The following CYP7B1 variants were observed in gnomAD, a reference collection of about 807,000 sequenced individuals.
The protein encoded by CYP7B1 is cytochrome P450 7B1.
Under a neutral mutation model 42.7 loss-of-function variants are expected in CYP7B1, and 29 were observed. That is an observed-to-expected ratio of 0.68 (90% CI 0.51 to 0.93). CYP7B1 has a LOEUF of 0.93. Among genes scored for constraint, CYP7B1 ranks in the 40% least tolerant of loss-of-function variants. The pLI, the probability that CYP7B1 is intolerant of heterozygous loss-of-function variation, is 0.00. For synonymous variants in CYP7B1, 235 were observed against 218.2 expected (o/e 1.08, Z -0.68); for missense variants, 655 against 600.5 (o/e 1.09, Z -0.95).
At chr8:64,782,509 C>T (rs1804445417) in intron 1 of CYP7B1, among the ~76,000 whole-genome samples, 1 of 152,162 alleles carries the variant, frequency 6.6e-6, no homozygotes, top group Non-Finnish European at 1.5e-5. Context: ...TGAAAAATAA[C>T]TTCGATCTTT....
intron 1 of CYP7B1, among the ~76,000 whole-genome samples, chr8:64,678,919 A>T (rs1326561515): frequency 2.6e-5 from 4 of 151,826 alleles, no homozygotes; most frequent in Non-Finnish European, 5.9e-5. Context: ...GTATAGAGAG[A>T]TAAGCAAATA....
intron 1 of CYP7B1, among the ~76,000 whole-genome samples, chr8:64,751,466 C>T (rs1807724238): frequency 6.6e-6 from 1 of 151,964 alleles, no homozygotes; most frequent in Non-Finnish European, 1.5e-5. Flanking sequence ...ATTAACCACC[C>T]TTTGTTATTG....
chr8:64,758,429 T>C (rs1807838377), intron 1 of CYP7B1, among the ~76,000 whole-genome samples: 1 of 152,220 alleles, frequency 6.6e-6, no homozygotes, highest in South Asian at 2.1e-4. Flanking sequence ...TTACTAGCTA[T>C]GTAGCTTTGA....
At chr8:64,639,745 T>C (rs1444533026) in intron 1 of CYP7B1, among the ~76,000 whole-genome samples, 1 of 152,114 alleles carries the variant, frequency 6.6e-6, no homozygotes, top group Non-Finnish European at 1.5e-5. Flanking sequence ...GACCTAACAA[T>C]TCCACTTCTA....
chr8:64,643,178 T>TAC (rs1563374394), intron 1 of CYP7B1, among the ~76,000 whole-genome samples: 3 of 97,558 alleles, frequency 3.1e-5, no homozygotes, highest in African/African-American at 6.0e-5. Context: ...TATACATATA[T>TAC]ATACATATAT....
chr8:64,782,243 AC>A (rs756713968), intron 1 of CYP7B1, among the ~76,000 whole-genome samples: 7 of 152,240 alleles, frequency 4.6e-5, no homozygotes, highest in Non-Finnish European at 1.0e-4. Context: ...TTTCTGCATC[AC>A]CCCAAGATTC....
intron 1 of CYP7B1, among the ~76,000 whole-genome samples, chr8:64,682,360 T>C (rs7817744): frequency 0.59 from 89,037 of 151,994 alleles, 26,454 homozygotes; most frequent in Middle Eastern, 0.67. Flanking sequence ...AGTGAGCAAG[T>C]GTGCATTTTT....
chr8:64,773,637 T>G (rs1449967306), intron 1 of CYP7B1, among the ~76,000 whole-genome samples: 1 of 152,218 alleles, frequency 6.6e-6, no homozygotes, highest in Non-Finnish European at 1.5e-5. Flanking sequence ...TCAGTCCATT[T>G]TCTGTTGCTA....
chr8:64,781,194 A>C (rs926878074), intron 1 of CYP7B1, among the ~76,000 whole-genome samples: 2 of 152,120 alleles, frequency 1.3e-5, no homozygotes, highest in African/African-American at 4.8e-5. Context: ...CCTGCTCCTC[A>C]TAAGTAACCA....
rs549491942 is a variant in CYP7B1 at position 64,674,096 on chromosome 8, G to T, written c.123-49557C>A. 2.6e-5 allele frequency among the ~76,000 whole-genome samples: 4 copies of T among 151,948 alleles called. No individual in the cohort carries two copies. The South Asian group carries it at 8.3e-4, about 32-fold the overall frequency. On this transcript the variant is annotated intron_variant, in intron 1 of 5. Transcript: ENST00000310193. ...TGACAGAGCCAAGAAGTGAATGATC[G>T]ACACTAATGGGATTTTTAATCTTCA...
chr8:64,738,878 T>C (rs1485234347), intron 1 of CYP7B1, among the ~76,000 whole-genome samples: 1 of 152,044 alleles, frequency 6.6e-6, no homozygotes, highest in Non-Finnish European at 1.5e-5. Flanking sequence ...GACAAATTCC[T>C]GGGGGGTGAG....
intron 1 of CYP7B1, among the ~76,000 whole-genome samples, chr8:64,764,231 C>CT (rs1347579818): frequency 7.2e-6 from 1 of 138,788 alleles, no homozygotes; most frequent in Non-Finnish European, 1.5e-5. Flanking sequence ...TCCACGCTGC[C>CT]CCCCCCACCC....
intron 1 of CYP7B1, among the ~76,000 whole-genome samples, chr8:64,765,546 C>A (rs1807958919): frequency 6.6e-6 from 1 of 152,148 alleles, no homozygotes; most frequent in Non-Finnish European, 1.5e-5. Context: ...CTGCTAGAAT[C>A]CAGCAGCCCG....
intron 1 of CYP7B1, among the ~76,000 whole-genome samples, chr8:64,626,949 G>A (rs1250026773): frequency 1.3e-5 from 2 of 152,034 alleles, no homozygotes; most frequent in African/African-American, 2.4e-5. Context: ...CCATATCAGA[G>A]GCTTTTATTT....
intron 1 of CYP7B1, among the ~76,000 whole-genome samples, chr8:64,789,668 G>A (rs1240186967): frequency 6.6e-6 from 1 of 152,164 alleles, no homozygotes; most frequent in Admixed American, 6.5e-5. Context: ...ATAGAAGCAA[G>A]GAATGCTGCT....
At chr8:64,625,926 T>C (rs16931350) in intron 1 of CYP7B1, among the ~76,000 whole-genome samples, 8,395 of 151,664 alleles carry the variant, frequency 0.055, 351 homozygotes, top group South Asian at 0.16. Context: ...TGATGCATTA[T>C]GGGATTTGAA....
chr8:64,721,099 T>C (rs1807228704), intron 1 of CYP7B1, among the ~76,000 whole-genome samples: 1 of 151,948 alleles, frequency 6.6e-6, no homozygotes, highest in South Asian at 2.1e-4. Context: ...CTGGTTTTTT[T>C]TTTTACCTAT....
intron 1 of CYP7B1, among the ~76,000 whole-genome samples, chr8:64,629,536 T>A (rs1805658742): frequency 6.6e-6 from 1 of 152,222 alleles, no homozygotes; most frequent in Non-Finnish European, 1.5e-5. Flanking sequence ...GTGTATGTGG[T>A]TAAAATTTCA....
At chr8:64,630,573 A>G (rs1227664616) in intron 1 of CYP7B1, among the ~76,000 whole-genome samples, 5 of 152,072 alleles carry the variant, frequency 3.3e-5, no homozygotes, top group African/African-American at 1.2e-4. Context: ...TCTTTTGTCA[A>G]CTCTCTCTGC....
Sources: gnomAD v4.1 joint callset for allele counts (sites outside exome capture counted in the v4.1 genomes callset) on GRCh38, gnomAD v4.1.1 for gene constraint, MANE v1.5 for transcripts, NCBI Gene and HGNC (gene_info 2026-07-23, HGNC 2026-07-21) for gene names.